BORCS5: variants seen among roughly 807,000 people sequenced by gnomAD.
BORCS5 encodes the protein BLOC-1 related complex subunit 5, also known as BLOC-1-related complex subunit 5.
Under a neutral mutation model 22.1 loss-of-function variants are expected in BORCS5, and 17 were observed. The ratio of observed to expected loss-of-function variants is 0.77; its 90% CI spans 0.53 to 1.15. BORCS5 has a LOEUF of 1.15. Among genes scored for constraint, BORCS5 ranks in the 50% most tolerant of loss-of-function variants. The pLI, the probability that BORCS5 is intolerant of heterozygous loss-of-function variation, is 0.00. For synonymous variants in BORCS5, 117 were observed against 99.8 expected, an observed-to-expected ratio of 1.17 and a Z score of -1.03; for missense variants, 247 against 253.2, an observed-to-expected ratio of 0.98 and a Z score of 0.17.
At chr12:12,456,203 C>G (rs1010827444) in intron 3 of BORCS5, among the ~76,000 whole-genome samples, 4 of 152,102 alleles carry the variant, frequency 2.6e-5, no homozygotes, top group Admixed American at 1.3e-4. Flanking sequence ...GGAGGCTGAG[C>G]GGGTGGATGG....
chr12:12,400,589 G>GAAAAAAAAA (rs34678519), intron 2 of BORCS5, among the ~76,000 whole-genome samples: 1 of 138,824 alleles, frequency 7.2e-6, no homozygotes. Flanking sequence ...TCAGCATACA[G>GAAAAAAAAA]AAAAAAAAAA....
At chr12:12,357,599 C>A (rs946214597) in intron 1 of BORCS5, 90 bp downstream of exon 1, 18 of 1,369,696 alleles carry the variant, frequency 1.3e-5, no homozygotes, top group Admixed American at 1.2e-4. Context: ...GGACTGCGGA[C>A]GGGAACGCAC....
chr12:12,421,721 A>G (rs1204046445), intron 2 of BORCS5, among the ~76,000 whole-genome samples: 1 of 152,198 alleles, frequency 6.6e-6, no homozygotes, highest in Non-Finnish European at 1.5e-5. Flanking sequence ...TATTGCCTCA[A>G]TTTCAGAGCC....
intron 2 of BORCS5, among the ~76,000 whole-genome samples, chr12:12,386,973 C>T (rs1863897355): frequency 6.6e-6 from 1 of 151,250 alleles, no homozygotes; most frequent in South Asian, 2.1e-4. Context: ...AAGTGATCCT[C>T]TAGCCTCAGC....
At chr12:12,433,388 C>G (rs1942479917) in intron 2 of BORCS5, among the ~76,000 whole-genome samples, 1 of 150,544 alleles carries the variant, frequency 6.6e-6, no homozygotes, top group Admixed American at 6.6e-5. Flanking sequence ...CCTGTAGTCC[C>G]AGCTACTTGG....
At chr12:12,374,250 C>G (rs1487829493) in intron 2 of BORCS5, among the ~76,000 whole-genome samples, 2 of 151,912 alleles carry the variant, frequency 1.3e-5, no homozygotes, top group East Asian at 3.9e-4. Context: ...CTCAGCCTCC[C>G]AAAGTGCTGG....
At chr12:12,391,634 C>T (rs534248066) in intron 2 of BORCS5, among the ~76,000 whole-genome samples, 3 of 151,054 alleles carry the variant, frequency 2.0e-5, no homozygotes, top group Admixed American at 6.6e-5. Flanking sequence ...ATGATGCGCC[C>T]GCCTTGGCCT....
chr12:12,393,496 T>A (rs1459944961), intron 2 of BORCS5, among the ~76,000 whole-genome samples: 1 of 151,914 alleles, frequency 6.6e-6, no homozygotes, highest in Non-Finnish European at 1.5e-5. Flanking sequence ...AATGCAGGAC[T>A]TTACAGGTAC....
Position 12,466,627 on chromosome 12 carries a change from AT to A in BORCS5, c.*854del, listed in dbSNP as rs1254486576. 2.6e-5 allele frequency: 4 copies of A among 152,218 alleles called. No individual in the cohort carries two copies. The highest frequency in any genetic ancestry group is 9.6e-5 in the African/African-American group (4 of 41,452). The allele number at this position is 152,218 out of a possible 1,614,324, so 9.4% of individuals were successfully genotyped here. On this transcript the variant is annotated 3_prime_UTR_variant, in exon 4 of 4. Transcript: ENST00000314565. ...CTCTGGGAGTTTAGGAAAGGAAGTT[AT>A]TTGAGTAACAACAAAAGTGCTTAGT... is the stretch of plus-strand genomic sequence containing the variant.
Position 12,357,252 on chromosome 12 carries a change from C to A in BORCS5, c.-200C>A, listed in dbSNP as rs1863160334. 2.0e-6 allele frequency: 3 copies of A among 1,469,128 alleles called. No homozygotes were observed. Among genetic ancestry groups the A allele is most frequent in the Non-Finnish European group, 1.8e-6 (2 of 1,112,968 alleles). 91.0% of individuals were successfully genotyped at this position (1,469,128 alleles called of 1,614,324 possible). ...CGCCGCGCCTCCTTGCGTTTCTGTT[C>A]CCCAAATAGGGCCTCTCCTTCTCCC... On this transcript the variant is annotated 5_prime_UTR_variant, in exon 1 of 4. Transcript: ENST00000314565.
At chr12:12,425,566 G>T (rs1250571505) in intron 2 of BORCS5, among the ~76,000 whole-genome samples, 3 of 152,182 alleles carry the variant, frequency 2.0e-5, no homozygotes, top group Non-Finnish European at 4.4e-5. Context: ...GTATCTCATT[G>T]TGTTTTGTAT....
intron 2 of BORCS5, among the ~76,000 whole-genome samples, chr12:12,371,915 G>A (rs1035888169): frequency 1.3e-5 from 2 of 151,912 alleles, no homozygotes; most frequent in Non-Finnish European, 2.9e-5. Flanking sequence ...CTCATCCAAG[G>A]TGTTCTTAAT....
chr12:12,357,846 G>T (rs1193963177), intron 1 of BORCS5, among the ~76,000 whole-genome samples: 1 of 152,218 alleles, frequency 6.6e-6, no homozygotes, highest in Non-Finnish European at 1.5e-5. Flanking sequence ...TCACACAGTG[G>T]ATGGATTATA....
chr12:12,396,592 G>A (rs530764696), intron 2 of BORCS5, among the ~76,000 whole-genome samples: 5 of 152,118 alleles, frequency 3.3e-5, no homozygotes, highest in African/African-American at 1.2e-4. Flanking sequence ...TAACATAGAT[G>A]TAATGTTTTC....
chr12:12,392,555 T>C (rs1592080729), intron 2 of BORCS5, among the ~76,000 whole-genome samples: 1 of 152,230 alleles, frequency 6.6e-6, no homozygotes, highest in East Asian at 1.9e-4. Flanking sequence ...ACTTCTTAGC[T>C]GCACAACACT....
chr12:12,408,164 T>C (rs375813072), intron 2 of BORCS5, among the ~76,000 whole-genome samples: 3 of 152,262 alleles, frequency 2.0e-5, no homozygotes, highest in East Asian at 3.8e-4. Context: ...TGAATTCTAT[T>C]ATGTGTATAT....
intron 2 of BORCS5, among the ~76,000 whole-genome samples, chr12:12,410,478 T>C (rs1941705194): frequency 6.6e-6 from 1 of 152,214 alleles, no homozygotes; most frequent in Non-Finnish European, 1.5e-5. Flanking sequence ...ATTTATTAAA[T>C]AGGGAATCCT....
intron 3 of BORCS5, among the ~76,000 whole-genome samples, chr12:12,458,404 AAT>A (rs1943037477): frequency 6.6e-6 from 1 of 152,060 alleles, no homozygotes; most frequent in Non-Finnish European, 1.5e-5. Context: ...CTTAATGTTG[AAT>A]TATAAGAGTT....
At chr12:12,433,642 TAAAA>T (rs1565910233) in intron 2 of BORCS5, among the ~76,000 whole-genome samples, 1 of 152,122 alleles carries the variant, frequency 6.6e-6, no homozygotes, top group Non-Finnish European at 1.5e-5. Context: ...AAATTTCAAT[TAAAA>T]AATTCCCAAT....
Sources: gnomAD v4.1 joint callset for allele counts (sites outside exome capture counted in the v4.1 genomes callset) on GRCh38, gnomAD v4.1.1 for gene constraint, MANE v1.5 for transcripts, NCBI Gene and HGNC (gene_info 2026-07-23, HGNC 2026-07-21) for gene names.